Variants in ATG10 observed in about 807,000 individuals in gnomAD.
The protein encoded by ATG10 is autophagy related 10.
Under a neutral mutation model 32.1 loss-of-function variants are expected in ATG10, and 30 were observed. That is an observed-to-expected ratio of 0.94 (90% CI 0.70 to 1.27). The LOEUF is 1.27. ATG10 is among the 50% of genes most tolerant of loss of function. The pLI, the probability that ATG10 is intolerant of heterozygous loss-of-function variation, is 0.00. For synonymous variants in ATG10, 87 were observed against 91.5 expected (o/e 0.95, Z 0.28); for missense variants, 233 against 262.3 (o/e 0.89, Z 0.77).
intron 3 of ATG10, among the ~76,000 whole-genome samples, chr5:82,091,461 AG>A (rs1764882749): frequency 6.6e-6 from 1 of 152,166 alleles, no homozygotes. Context: ...TAGAGCTAAA[AG>A]GAGGCAATTC....
chr5:81,994,059 A>G (rs571871195), intron 2 of ATG10, among the ~76,000 whole-genome samples: 7 of 152,282 alleles, frequency 4.6e-5, no homozygotes, highest in African/African-American at 1.7e-4. Flanking sequence ...TCAGGACCAT[A>G]TAGCTTCTCA....
At chr5:81,979,274 TC>T (rs1227891542) in intron 1 of ATG10, among the ~76,000 whole-genome samples, 1 of 145,202 alleles carries the variant, frequency 6.9e-6, no homozygotes, top group Non-Finnish European at 1.5e-5. Flanking sequence ...ACACCTGTAA[TC>T]CCAGCACTTC....
intron 3 of ATG10, among the ~76,000 whole-genome samples, chr5:82,068,698 C>A (rs911799852): frequency 7.0e-6 from 1 of 142,168 alleles, no homozygotes; most frequent in African/African-American, 2.6e-5. Context: ...ATATATATAT[C>A]TTATATATAT....
intron 2 of ATG10, among the ~76,000 whole-genome samples, chr5:82,048,683 G>A (rs9687935): frequency 0.26 from 39,861 of 151,112 alleles, 5,491 homozygotes; most frequent in Middle Eastern, 0.38. Context: ...ATCTACAATG[G>A]ACTCAAACAA....
intron 5 of ATG10, among the ~76,000 whole-genome samples, chr5:82,207,678 G>A (rs559585668): frequency 2.0e-5 from 3 of 152,182 alleles, no homozygotes; most frequent in South Asian, 4.2e-4. Context: ...TATGCTTTTT[G>A]TAGTTGTTTG....
intron 2 of ATG10, among the ~76,000 whole-genome samples, chr5:82,008,294 AT>A (rs1365316406): frequency 3.3e-5 from 5 of 151,702 alleles, no homozygotes; most frequent in Middle Eastern, 3.4e-3. Flanking sequence ...GCTAGAGTAG[AT>A]TTTTTTTTCT....
chr5:82,101,004 G>A (rs908659545), intron 3 of ATG10, among the ~76,000 whole-genome samples: 3 of 152,146 alleles, frequency 2.0e-5, no homozygotes, highest in African/African-American at 7.2e-5. Flanking sequence ...AGAAGAGGAT[G>A]ACTCAGATGG....
intron 2 of ATG10, among the ~76,000 whole-genome samples, chr5:82,026,811 A>T (rs1762606472): frequency 6.6e-6 from 1 of 152,174 alleles, no homozygotes; most frequent in Non-Finnish European, 1.5e-5. Flanking sequence ...CTGTAGTCCC[A>T]GCACTTTGGG....
At chr5:82,145,894 A>G (rs1196601985) in intron 3 of ATG10, among the ~76,000 whole-genome samples, 2 of 152,014 alleles carry the variant, frequency 1.3e-5, no homozygotes, top group Non-Finnish European at 2.9e-5. Flanking sequence ...TTTGGTAGAG[A>G]TGGGGTTTCA....
intron 5 of ATG10, 68 bp downstream of exon 5, chr5:82,178,655 C>G (rs1581774914): frequency 2.0e-6 from 2 of 1,004,260 alleles, no homozygotes; most frequent in Non-Finnish European, 3.2e-6. Flanking sequence ...ATCTTTTCTG[C>G]TAGTTCCCTC....
At chr5:82,058,097 A>C (rs900937590) in intron 2 of ATG10, among the ~76,000 whole-genome samples, 1 of 152,206 alleles carries the variant, frequency 6.6e-6, no homozygotes, top group Non-Finnish European at 1.5e-5. Flanking sequence ...TTGAAATGGA[A>C]GCTTTCTTGC....
chr5:82,235,840 A>G (rs1402045528), intron 5 of ATG10, among the ~76,000 whole-genome samples: 1 of 152,210 alleles, frequency 6.6e-6, no homozygotes, highest in Non-Finnish European at 1.5e-5. Context: ...TTTTCTCTCT[A>G]TGACGCTATA....
chr5:82,127,453 G>A (rs1258890476), intron 3 of ATG10, among the ~76,000 whole-genome samples: 1 of 152,084 alleles, frequency 6.6e-6, no homozygotes, highest in East Asian at 1.9e-4. Flanking sequence ...CACTGCTTTA[G>A]TTGTGTCCCA....
intron 2 of ATG10, among the ~76,000 whole-genome samples, chr5:82,014,682 G>T (rs1470469609): frequency 2.6e-5 from 4 of 151,934 alleles, no homozygotes; most frequent in Non-Finnish European, 4.4e-5. Flanking sequence ...CATTTTCTTG[G>T]TAGATCTTCC....
At chr5:82,249,078 G>C (rs1259776168) in intron 5 of ATG10, among the ~76,000 whole-genome samples, 1 of 152,006 alleles carries the variant, frequency 6.6e-6, no homozygotes, top group Non-Finnish European at 1.5e-5. Context: ...TATTCTATTA[G>C]AACATAACCT....
intron 5 of ATG10, among the ~76,000 whole-genome samples, chr5:82,229,962 GA>G (rs1334020703): frequency 4.6e-5 from 7 of 152,124 alleles, no homozygotes; most frequent in Non-Finnish European, 1.0e-4. Context: ...AACTATTTTT[GA>G]AAAGTTACTG....
intron 2 of ATG10, among the ~76,000 whole-genome samples, chr5:82,042,426 C>G (rs932558492): frequency 6.6e-6 from 1 of 152,152 alleles, no homozygotes; most frequent in African/African-American, 2.4e-5. Context: ...GGATACAAAT[C>G]TAAACCGTAT....
chr5:82,125,214 A>C (rs1218400939), intron 3 of ATG10, among the ~76,000 whole-genome samples: 3 of 151,934 alleles, frequency 2.0e-5, no homozygotes, highest in Non-Finnish European at 4.4e-5. Context: ...AGATTGCAAA[A>C]ATTTTCTCCC....
At chr5:82,231,635 G>A (rs565999656) in intron 5 of ATG10, among the ~76,000 whole-genome samples, 7 of 152,070 alleles carry the variant, frequency 4.6e-5, no homozygotes, top group African/African-American at 9.7e-5. Context: ...AACATTTTTC[G>A]TTATGAGAAG....
Sources: gnomAD v4.1 joint callset for allele counts (sites outside exome capture counted in the v4.1 genomes callset) on GRCh38, gnomAD v4.1.1 for gene constraint, MANE v1.5 for transcripts, NCBI Gene and HGNC (gene_info 2026-07-23, HGNC 2026-07-21) for gene names.